The following CNTLN variants were observed in gnomAD, a reference collection of about 807,000 sequenced individuals.
The protein encoded by CNTLN is centlein, also known as centlein, centrosomal protein.
In CNTLN, 212 loss-of-function variants were observed where a neutral mutation model predicts 180.0. The observed-to-expected ratio is 1.18, with a 90% confidence interval of 1.05 to 1.32. The LOEUF is 1.32. Among genes scored for constraint, CNTLN ranks in the 40% most tolerant of loss-of-function variants. CNTLN has a pLI of 0.00. For synonymous variants in CNTLN, 722 were observed against 563.1 expected (o/e 1.28, Z -3.99); for missense variants, 2,095 against 1,610.9 (o/e 1.30, Z -5.14).
chr9:17,433,500 G>A (rs1829554430), intron 18 of CNTLN, among the ~76,000 whole-genome samples: 1 of 151,924 alleles, frequency 6.6e-6, no homozygotes, highest in Admixed American at 6.6e-5. Context: ...TGGCCAGGCT[G>A]GTCTTGAACT....
intron 25 of CNTLN, among the ~76,000 whole-genome samples, chr9:17,487,756 AC>A (rs532278667): frequency 4.7e-4 from 71 of 152,032 alleles, no homozygotes; most frequent in Non-Finnish European, 8.5e-4. Flanking sequence ...CCTGTGTGAT[AC>A]TTTTTCTTCC....
intron 1 of CNTLN, among the ~76,000 whole-genome samples, chr9:17,141,943 G>A (rs956496843): frequency 2.0e-5 from 3 of 151,948 alleles, no homozygotes; most frequent in African/African-American, 4.8e-5. Context: ...TTAGCTGGGT[G>A]TGGTGGTGCG....
the CNTLN span, among the ~76,000 whole-genome samples, chr9:17,526,650 C>A: frequency 3.9e-5 from 6 of 152,260 alleles, no homozygotes; most frequent in African/African-American, 1.4e-4. Context: ...TCATTTGAAA[C>A]CTATTGCTTC....
At chr9:17,230,278 A>T (rs1021210254) in intron 3 of CNTLN, among the ~76,000 whole-genome samples, 1 of 152,178 alleles carries the variant, frequency 6.6e-6, no homozygotes, top group East Asian at 1.9e-4. Flanking sequence ...ACATGTTGTT[A>T]GGTTACAGTT....
intron 18 of CNTLN, among the ~76,000 whole-genome samples, chr9:17,419,707 A>G (rs1828554498): frequency 6.6e-6 from 1 of 152,170 alleles, no homozygotes; most frequent in Admixed American, 6.5e-5. Context: ...AGAAATTAAC[A>G]TATATTCTTC....
intron 2 of CNTLN, among the ~76,000 whole-genome samples, chr9:17,164,457 G>GTTTTTTTTTTTTTTTTTT (rs772109564): frequency 1.5e-5 from 1 of 68,454 alleles, no homozygotes; most frequent in African/African-American, 6.1e-5. Flanking sequence ...TTATTTTTAT[G>GTTTTTTTTTTTTTTTTTT]TTTTTTTTTT....
chr9:17,355,451 T>G (rs1272640124), intron 12 of CNTLN, among the ~76,000 whole-genome samples: 13 of 152,220 alleles, frequency 8.5e-5, no homozygotes, highest in Non-Finnish European at 1.9e-4. Flanking sequence ...GAAGTACATA[T>G]TGTTTATTCT....
chr9:17,288,902 C>T (rs1587506871), intron 6 of CNTLN, among the ~76,000 whole-genome samples: 1 of 115,928 alleles, frequency 8.6e-6, no homozygotes, highest in East Asian at 2.2e-4. Flanking sequence ...CTATGTGTGT[C>T]TCTGCACGTG....
At chr9:17,153,787 A>G (rs1819065774) in intron 2 of CNTLN, among the ~76,000 whole-genome samples, 1 of 152,176 alleles carries the variant, frequency 6.6e-6, no homozygotes, top group Non-Finnish European at 1.5e-5. Flanking sequence ...ACTTTCAGGT[A>G]CACCAATCAA....
intron 1 of CNTLN, among the ~76,000 whole-genome samples, chr9:17,141,170 G>GAAT (rs1818063864): frequency 6.6e-6 from 1 of 152,144 alleles, no homozygotes; most frequent in Non-Finnish European, 1.5e-5. Flanking sequence ...TACTTGGGCA[G>GAAT]AATTGTTTCT....
At chr9:17,150,609 C>T (rs1586920160) in intron 2 of CNTLN, among the ~76,000 whole-genome samples, 1 of 152,152 alleles carries the variant, frequency 6.6e-6, no homozygotes, top group East Asian at 1.9e-4. Context: ...GTCCTTCTTG[C>T]CCAGGAGTGT....
rs879040867 is a variant in CNTLN at position 17,502,639 on chromosome 9, A to C, written c.4208A>C (p.Lys1403Thr). Residue 1403 changes from lysine (K) to threonine (T), a missense_variant, in exon 26 of 26, where the codon AAA becomes ACA. Lys to Thr is a moderately conservative substitution (Grantham distance 78). Transcript: ENST00000380647. ...KLVEGYFTIM[K>T]DIR is the part of the protein sequence containing the mutation. ...GTTGAAGGATATTTCACAATTATGA[A>C]AGATATTAGATGATATTAAAATGGA... The C allele has an allele frequency of 7.8e-7, 1 of 1,275,278 alleles. No homozygotes were observed. The allele number at this position is 1,275,278 out of a possible 1,614,324, so 79.0% of individuals were successfully genotyped here. A position where few individuals can be genotyped will look rare whatever the true frequency, so the allele number is the denominator to read the frequency against.
intron 12 of CNTLN, among the ~76,000 whole-genome samples, chr9:17,353,159 T>A (rs1822519341): frequency 6.6e-6 from 1 of 152,174 alleles, no homozygotes; most frequent in Non-Finnish European, 1.5e-5. Flanking sequence ...TCTCACTTTG[T>A]TGCCTAGGCT....
At position 17,330,363 on chromosome 9, in the gene CNTLN, G is replaced by T. The variant is rs539452788; in HGVS notation, c.1342-269G>T. Among the ~76,000 whole-genome samples, 6 of 152,084 alleles carry T rather than the reference G, an allele frequency of 3.9e-5. No individual in the cohort carries two copies. The South Asian group carries it at 1.2e-3, about 31-fold the overall frequency. On this transcript the variant is annotated intron_variant, in intron 8 of 25. Coordinates refer to ENST00000380647, the MANE Select transcript of CNTLN (RefSeq NM_017738.4). The stretch of plus-strand genomic sequence containing the variant: ...TTTATAGATGAGTGGTGTGTATCAT[G>T]CAGCCATGCTTTAAATTTTTTTCCT...
At chr9:17,150,468 T>A (rs1385012516) in intron 2 of CNTLN, among the ~76,000 whole-genome samples, 1 of 152,160 alleles carries the variant, frequency 6.6e-6, no homozygotes, top group East Asian at 1.9e-4. Flanking sequence ...TGTAGCTGTG[T>A]GGTGTTATTT....
chr9:17,502,228 C>G (rs1358606830), intron 25 of CNTLN, among the ~76,000 whole-genome samples: 3 of 152,184 alleles, frequency 2.0e-5, no homozygotes, highest in Non-Finnish European at 4.4e-5. Flanking sequence ...TGACTGTAAC[C>G]TACTATTGAT....
chr9:17,417,908 G>A (rs1341161117), intron 18 of CNTLN, among the ~76,000 whole-genome samples: 6 of 151,826 alleles, frequency 4.0e-5, no homozygotes, highest in Admixed American at 3.3e-4. Context: ...AAAATTAGGA[G>A]GTATAAAAAG....
At chr9:17,475,457 A>G (rs536216956) in intron 23 of CNTLN, among the ~76,000 whole-genome samples, 2 of 151,998 alleles carry the variant, frequency 1.3e-5, no homozygotes, top group Admixed American at 1.3e-4. Context: ...TGATGGAAAA[A>G]AGAAATAAAG....
rs184068104 is a variant in CNTLN, at chr9:17,479,128, G to A, written c.3856-5167G>A. On this transcript the variant is annotated intron_variant, in intron 23 of 25. Transcript: ENST00000380647. Reference sequence around the variant, plus strand: ...AGTGGTGCAGCTGCTATGGAAAACAGTGTGGAGATTCCTCAAAATGTTAAA... The same window carrying A: ...AGTGGTGCAGCTGCTATGGAAAACAATGTGGAGATTCCTCAAAATGTTAAA... Among the ~76,000 whole-genome samples, 5 of 152,308 alleles carry A rather than the reference G, an allele frequency of 3.3e-5. No individual in the cohort carries two copies. In the East Asian group the frequency reaches 9.7e-4, roughly 29 times the overall value.
Sources: gnomAD v4.1 joint callset for allele counts (sites outside exome capture counted in the v4.1 genomes callset) on GRCh38, gnomAD v4.1.1 for gene constraint, MANE v1.5 for transcripts, NCBI Gene and HGNC (gene_info 2026-07-23, HGNC 2026-07-21) for gene names.